The following COX16 variants were observed in gnomAD, a reference collection of about 807,000 sequenced individuals.
The protein encoded by COX16 is cytochrome c oxidase assembly factor COX16, also known as cytochrome c oxidase assembly protein COX16 homolog, mitochondrial.
In COX16, 12 loss-of-function variants were observed where a neutral mutation model predicts 15.4. That is an observed-to-expected ratio of 0.78 (90% confidence interval 0.50 to 1.26). COX16 has a LOEUF of 1.26. Among genes scored for constraint, COX16 ranks in the 50% most tolerant of loss-of-function variants. COX16 has a pLI of 0.00. For missense variants in COX16, 124 were observed against 127.6 expected, an observed-to-expected ratio of 0.97 and a Z score of 0.14; for synonymous variants, 46 against 41.1, an observed-to-expected ratio of 1.12 and a Z score of -0.46.
intron 2 of COX16, among the ~76,000 whole-genome samples, chr14:70,331,099 CTGGGTTCAAGCAATTCCTCTGCTTCA>C (rs1886273743): frequency 6.6e-6 from 1 of 152,146 alleles, no homozygotes; most frequent in Admixed American, 6.5e-5. Flanking sequence ...CCTCTGCCTC[CTGGGTTCAAGCAATTCCTCTGCTTCA>C]GCCTCCCGAG....
At chr14:70,340,056 T>C (rs1886578558) in intron 2 of COX16, among the ~76,000 whole-genome samples, 1 of 152,220 alleles carries the variant, frequency 6.6e-6, no homozygotes, top group Non-Finnish European at 1.5e-5. Context: ...AACTGGGTGA[T>C]ATGGTTTGGC....
intron 1 of COX16, among the ~76,000 whole-genome samples, chr14:70,353,409 T>TACACATATATATACACACACATATAC (rs1887025637): frequency 2.7e-5 from 4 of 148,506 alleles, no homozygotes; most frequent in African/African-American, 5.0e-5. Context: ...TATATATACA[T>TACACATATATATACACACACATATAC]ACACATATAT....
At chr14:70,348,322 T>C (rs1886842647) in intron 1 of COX16, among the ~76,000 whole-genome samples, 1 of 152,222 alleles carries the variant, frequency 6.6e-6, no homozygotes, top group African/African-American at 2.4e-5. Flanking sequence ...AACTGTATGC[T>C]CTGTTCATAG....
chr14:70,355,700 A>T (rs1039482961), intron 1 of COX16, among the ~76,000 whole-genome samples: 18 of 152,204 alleles, frequency 1.2e-4, no homozygotes, highest in Admixed American at 8.5e-4. Flanking sequence ...GATATAATAC[A>T]AATTCCATTG....
At chr14:70,343,803 C>T (rs910422842) in intron 1 of COX16, among the ~76,000 whole-genome samples, 9 of 152,288 alleles carry the variant, frequency 5.9e-5, no homozygotes, top group East Asian at 1.9e-4. Context: ...GTTCACCTTG[C>T]GTGCTACCTA....
intron 2 of COX16, among the ~76,000 whole-genome samples, chr14:70,341,592 C>A (rs2140717359): frequency 6.6e-6 from 1 of 152,220 alleles, no homozygotes; most frequent in East Asian, 1.9e-4. Context: ...GCCATGTGAC[C>A]TTAGCCAACT....
chr14:70,330,911 C>A (rs1157819848), intron 2 of COX16, among the ~76,000 whole-genome samples: 1 of 152,068 alleles, frequency 6.6e-6, no homozygotes, highest in Non-Finnish European at 1.5e-5. Context: ...AGGCAAAAAT[C>A]AAAACTTATA....
intron 1 of COX16, among the ~76,000 whole-genome samples, chr14:70,357,796 G>A (rs1026958406): frequency 6.6e-6 from 1 of 152,136 alleles, no homozygotes; most frequent in Non-Finnish European, 1.5e-5. Context: ...CTTGCTGGTG[G>A]GAATGTAAAA....
chr14:70,326,319 A>G lies in COX16; in HGVS notation c.*14T>C. On this transcript the variant is annotated 3_prime_UTR_variant, in exon 4 of 4. Transcript: ENST00000389912. ...TATTTAAAAAAAAAAAAAAGGAAAA[A>G]AGAATCAGCAGAGTCAAGTTGTCTT... 6.9e-7 allele frequency: 1 copy of G among 1,455,436 alleles called. No individual in the cohort carries two copies. The highest frequency in any genetic ancestry group is 9.1e-7 in the Non-Finnish European group (1 of 1,104,794). The allele number at this position is 1,455,436 out of a possible 1,614,324, so 90.2% of individuals were successfully genotyped here.
intron 1 of COX16, among the ~76,000 whole-genome samples, chr14:70,354,765 G>A (rs1887071380): frequency 6.6e-6 from 1 of 151,928 alleles, no homozygotes; most frequent in Non-Finnish European, 1.5e-5. Context: ...TGAGGGGGTG[G>A]CTTAAACCTG....
At chr14:70,345,154 C>T (rs1886739147) in intron 1 of COX16, among the ~76,000 whole-genome samples, 1 of 152,226 alleles carries the variant, frequency 6.6e-6, no homozygotes, top group South Asian at 2.1e-4. Flanking sequence ...CTCCAGTTGC[C>T]TCTCTGTGCA....
At chr14:70,352,223 G>T (rs142955525) in intron 1 of COX16, among the ~76,000 whole-genome samples, 1,649 of 152,248 alleles carry the variant, frequency 0.011, 13 homozygotes, top group Non-Finnish European at 0.016. Context: ...GTCTCCCTCT[G>T]TTGCCTGGGC....
At chr14:70,344,573 T>C (rs1016980010) in intron 1 of COX16, among the ~76,000 whole-genome samples, 2 of 152,238 alleles carry the variant, frequency 1.3e-5, no homozygotes, top group African/African-American at 2.4e-5. Context: ...GTCGCTCTTA[T>C]AAAACAAGCT....
In COX16 at chr14:70,329,144, T is replaced by C. The variant is rs377714057; in HGVS notation, c.204+30A>G. ...AGATAAAACCAGTAACTGATTGTTA[T>C]AAGACAGAGACTATATTAACATACC... On this transcript the variant is annotated intron_variant, in intron 3 of 3. Transcript: ENST00000389912. 83 of 1,582,308 alleles carry C rather than the reference T, an allele frequency of 5.2e-5. 1 individual carries two copies. The highest frequency in any genetic ancestry group is 4.7e-4 in the Admixed American group (25 of 53,630).
At chr14:70,335,389 A>G (rs1886418413) in intron 2 of COX16, among the ~76,000 whole-genome samples, 1 of 152,198 alleles carries the variant, frequency 6.6e-6, no homozygotes, top group African/African-American at 2.4e-5. Context: ...AGACTGCTGC[A>G]GAATACACTT....
intron 1 of COX16, among the ~76,000 whole-genome samples, chr14:70,354,728 T>A (rs1007269709): frequency 2.6e-5 from 4 of 152,164 alleles, no homozygotes; most frequent in Non-Finnish European, 4.4e-5. Context: ...CTGAGTTCTA[T>A]GAGTAGTTCT....
intron 1 of COX16, among the ~76,000 whole-genome samples, chr14:70,351,335 TTAA>T (rs200397345): frequency 6.6e-6 from 1 of 150,566 alleles, no homozygotes; most frequent in Admixed American, 6.6e-5. Context: ...TAATATTTTA[TTAA>T]TAAATACACA....
chr14:70,347,541 C>T (rs1273480786), intron 1 of COX16, among the ~76,000 whole-genome samples: 1 of 152,174 alleles, frequency 6.6e-6, no homozygotes, highest in Non-Finnish European at 1.5e-5. Context: ...TGGACAGGCC[C>T]TTGCTCATGA....
intron 2 of COX16, among the ~76,000 whole-genome samples, chr14:70,334,240 T>G (rs541666539): frequency 1.3e-4 from 20 of 152,326 alleles, no homozygotes; most frequent in African/African-American, 4.8e-4. Context: ...ATGTAAATTG[T>G]GGCCAGGCGC....
Sources: allele counts gnomAD v4.1 joint callset (sites outside exome capture counted in the v4.1 genomes callset), GRCh38; gene constraint gnomAD v4.1.1; transcripts MANE v1.5; gene names NCBI Gene and HGNC (gene_info 2026-07-23, HGNC 2026-07-21).